Variants in SPOCK1 observed in about 807,000 individuals in gnomAD.
The protein encoded by SPOCK1 is testican-1.
In SPOCK1, 23 loss-of-function variants were observed where a neutral mutation model predicts 55.3. That is an observed-to-expected ratio of 0.42 (90% CI 0.30 to 0.59). SPOCK1 has a LOEUF of 0.59. Among genes scored for constraint, SPOCK1 ranks in the 20% least tolerant of loss-of-function variants. The pLI is 0.22. For missense variants in SPOCK1, 499 were observed against 552.5 expected (o/e 0.90, Z 0.97); for synonymous variants, 226 against 221.0 (o/e 1.02, Z -0.20).
chr5:137,449,559 T>C (rs1753205738), intron 2 of SPOCK1, among the ~76,000 whole-genome samples: 1 of 152,218 alleles, frequency 6.6e-6, no homozygotes, highest in African/African-American at 2.4e-5. Context: ...AGTCCCAGTT[T>C]CCTTATCTGT....
At chr5:137,325,767 G>A (rs1431928273) in intron 2 of SPOCK1, among the ~76,000 whole-genome samples, 7 of 152,198 alleles carry the variant, frequency 4.6e-5, no homozygotes, top group Non-Finnish European at 8.8e-5. Flanking sequence ...GAAAACAGTG[G>A]CATAAGCAAT....
intron 2 of SPOCK1, among the ~76,000 whole-genome samples, chr5:137,331,939 A>C (rs1032386965): frequency 7.2e-5 from 11 of 152,146 alleles, no homozygotes; most frequent in Non-Finnish European, 1.3e-4. Context: ...ATTTCATCTG[A>C]CTTGTTGAAA....
intron 2 of SPOCK1, among the ~76,000 whole-genome samples, chr5:137,317,862 C>T (rs757600883): frequency 1.3e-5 from 2 of 152,146 alleles, no homozygotes; most frequent in African/African-American, 4.8e-5. Flanking sequence ...TTCCAAGATC[C>T]GCATAGCTAT....
chr5:137,019,417 T>C (rs554117088), intron 6 of SPOCK1, among the ~76,000 whole-genome samples: 1 of 152,262 alleles, frequency 6.6e-6, no homozygotes, highest in African/African-American at 2.4e-5. Flanking sequence ...TAGGATTGTA[T>C]TGTGAGTGTA....
chr5:137,067,849 C>T lies in SPOCK1; in HGVS notation c.475-20G>A, dbSNP rs1752539102. 1.9e-6 allele frequency: 3 copies of T among 1,601,990 alleles called. No homozygotes were observed. Among genetic ancestry groups the T allele is most frequent in the Admixed American group, 1.7e-5 (1 of 59,992 alleles). The stretch of plus-strand genomic sequence containing the variant: ...TTTGCACTGCAAAAGAGAGACACAA[C>T]AGGTCTTAAGAATGCAGCCATAACA... On this transcript the variant is annotated intron_variant, in intron 5 of 10. Transcript: ENST00000394945.
Position 137,172,165 on chromosome 5 carries a change from T to C in SPOCK1, c.233-31471A>G, listed in dbSNP as rs191686124. ...TTTCTAAATCTTCCAGACAGACAAA[T>C]AACAAAATAAGATTCTACCAAGTTT... On this transcript the variant is annotated intron_variant, in intron 3 of 10. Coordinates refer to ENST00000394945, the MANE Select transcript of SPOCK1 (RefSeq NM_004598.4). Among the ~76,000 whole-genome samples, 5 of 152,190 alleles carry C rather than the reference T, an allele frequency of 3.3e-5. No individual in the cohort carries two copies. The East Asian group carries it at 9.7e-4, about 29-fold the overall frequency.
chr5:137,409,580 TAAATA>T (rs1223259210), intron 2 of SPOCK1, among the ~76,000 whole-genome samples: 1 of 152,204 alleles, frequency 6.6e-6, no homozygotes, highest in Non-Finnish European at 1.5e-5. Flanking sequence ...CCATAAGGAT[TAAATA>T]AAATTAGCCT....
chr5:137,436,939 G>C (rs568727544), intron 2 of SPOCK1, among the ~76,000 whole-genome samples: 25 of 152,218 alleles, frequency 1.6e-4, no homozygotes, highest in Admixed American at 5.2e-4. Flanking sequence ...ATATGTGCCT[G>C]TCTCTCTTTA....
intron 2 of SPOCK1, among the ~76,000 whole-genome samples, chr5:137,392,444 C>T (rs1363178436): frequency 6.6e-6 from 1 of 152,198 alleles, no homozygotes; most frequent in Non-Finnish European, 1.5e-5. Flanking sequence ...CTCTTTTCTT[C>T]CATCGACAAT....
At chr5:137,220,159 C>G (rs1279612197) in intron 3 of SPOCK1, among the ~76,000 whole-genome samples, 1 of 152,094 alleles carries the variant, frequency 6.6e-6, no homozygotes, top group Non-Finnish European at 1.5e-5. Context: ...AGATGGGGAG[C>G]ACAGAGACAG....
At chr5:137,070,925 T>A (rs1561598387) in intron 5 of SPOCK1, among the ~76,000 whole-genome samples, 1 of 151,922 alleles carries the variant, frequency 6.6e-6, no homozygotes, top group East Asian at 1.9e-4. Flanking sequence ...CTTATCTGTA[T>A]CAGTGAAAAT....
intron 3 of SPOCK1, among the ~76,000 whole-genome samples, chr5:137,226,036 G>A (rs1264935000): frequency 6.6e-6 from 1 of 152,148 alleles, no homozygotes; most frequent in African/African-American, 2.4e-5. Context: ...AGCTCAACAG[G>A]GACATCCAGA....
intron 3 of SPOCK1, among the ~76,000 whole-genome samples, chr5:137,214,759 T>C (rs1755682719): frequency 6.6e-6 from 1 of 152,176 alleles, no homozygotes; most frequent in Admixed American, 6.5e-5. Flanking sequence ...GAAACTATAT[T>C]TGAGCTGAAT....
At chr5:137,039,304 T>TTTG (rs1751947783) in intron 6 of SPOCK1, among the ~76,000 whole-genome samples, 1 of 137,278 alleles carries the variant, frequency 7.3e-6, no homozygotes, top group Non-Finnish European at 1.6e-5. Context: ...TTTTTGTTGT[T>TTTG]GCAACGGGGA....
chr5:137,326,466 C>G (rs1438458475), intron 2 of SPOCK1, among the ~76,000 whole-genome samples: 1 of 152,180 alleles, frequency 6.6e-6, no homozygotes, highest in Non-Finnish European at 1.5e-5. Context: ...ATATGAAGGA[C>G]AAGCTCCAGC....
intron 5 of SPOCK1, among the ~76,000 whole-genome samples, chr5:137,106,921 T>A (rs961195819): frequency 6.6e-6 from 1 of 152,122 alleles, no homozygotes; most frequent in Non-Finnish European, 1.5e-5. Context: ...ACCAGTTCCT[T>A]CAAGGTGCCA....
chr5:137,066,965 C>T (rs892839414), intron 6 of SPOCK1, among the ~76,000 whole-genome samples: 4 of 133,490 alleles, frequency 3.0e-5, no homozygotes, highest in Admixed American at 1.5e-4. Context: ...CATAAGCATA[C>T]ACACACACAC....
chr5:137,278,678 A>G (rs1757113836), intron 2 of SPOCK1, among the ~76,000 whole-genome samples: 1 of 152,148 alleles, frequency 6.6e-6, no homozygotes, highest in Non-Finnish European at 1.5e-5. Flanking sequence ...GTTGTAACAC[A>G]ATTTCTCCTC....
intron 5 of SPOCK1, among the ~76,000 whole-genome samples, chr5:137,078,248 C>T (rs1752813942): frequency 6.6e-6 from 1 of 152,196 alleles, no homozygotes; most frequent in African/African-American, 2.4e-5. Flanking sequence ...AGAGGATGTT[C>T]TGAGGTGCTG....
Sources: gnomAD v4.1 joint callset for allele counts (sites outside exome capture counted in the v4.1 genomes callset) on GRCh38, gnomAD v4.1.1 for gene constraint, MANE v1.5 for transcripts, NCBI Gene and HGNC (gene_info 2026-07-23, HGNC 2026-07-21) for gene names.